Variants in INF2 observed in about 807,000 individuals in gnomAD.
The protein encoded by INF2 is inverted formin 2.
INF2 carries 43 observed loss-of-function variants against 123.5 expected under a neutral mutation model. The observed-to-expected ratio is 0.35, with a 90% CI of 0.27 to 0.45. The LOEUF (loss-of-function observed/expected upper bound fraction) is 0.45, where lower values mean the gene tolerates loss of function less well. Among genes scored for constraint, INF2 ranks in the 20% least tolerant of loss-of-function variants. The pLI is 1.00. For synonymous variants in INF2, 851 were observed against 745.0 expected, an observed-to-expected ratio of 1.14 and a Z score of -2.32; for missense variants, 1,453 against 1,682.7, an observed-to-expected ratio of 0.86 and a Z score of 2.39.
At position 104,703,428 on chromosome 14, in the gene INF2, G is replaced by A. The variant is rs267606879; in HGVS notation, c.641G>A (p.Arg214His). The A allele has an allele frequency of 2.5e-6, 4 of 1,612,490 alleles. No individual in the cohort carries two copies. The highest frequency in any genetic ancestry group is 3.4e-6 in the Non-Finnish European group (4 of 1,179,936). ...VILGPEDLRARTQLRNEFIGL... is the reference protein window; with the variant it reads ...VILGPEDLRAHTQLRNEFIGL... Reference sequence around the variant, plus strand: ...TTGGGCCCCGAGGACCTGCGCGCGCGCACCCAGCTGCGGAACGAGTTTATC... The same window carrying A: ...TTGGGCCCCGAGGACCTGCGCGCGCACACCCAGCTGCGGAACGAGTTTATC... Residue 214 changes from arginine (R) to histidine (H), a missense_variant, in exon 4 of 23, where the codon CGC becomes CAC. Physicochemically the swap from Arg to His is conservative, Grantham distance 29. Transcript: ENST00000392634.
intron 1 of INF2, chr14:104,681,589 G>C (rs1461630504): frequency 1.4e-5 from 18 of 1,288,976 alleles, no homozygotes; most frequent in Non-Finnish European, 1.8e-5. Context: ...CAAGGTAAGA[G>C]ATCAGGAACG....
At position 104,707,344 on chromosome 14, in the gene INF2, C is replaced by T. The variant is rs769197364; in HGVS notation, c.1077C>T (p.Ser359=). The T allele has an allele frequency of 1.0e-5, 16 of 1,600,382 alleles. No homozygotes were observed. Among genetic ancestry groups the T allele is most frequent in the African/African-American group, 6.7e-5 (5 of 74,544 alleles). ...GCCCCCTGGTCAAGGCCCATAAAAG[C>T]GTCCAGGCCAACCTAGACCAGAGCC... is the stretch of plus-strand genomic sequence containing the variant. ...RPSPLVKAHK[S]VQANLDQSQR... is the part of the protein sequence containing the mutation. The change falls in exon 8 of 23, where the codon AGC becomes AGT. Residue 359 remains serine (S), a synonymous_variant. Coordinates refer to ENST00000392634, the MANE Select transcript of INF2 (RefSeq NM_022489.4).
rs753949521 is a variant in INF2, at chr14:104,708,440, C to T, written c.1740C>T (p.His580=). The change falls in exon 9 of 23, where the codon CAC becomes CAT. Residue 580 remains histidine (H), a synonymous_variant. Transcript: ENST00000392634. The part of the protein sequence containing the change: ...QKLPSNVARE[H]NSMWASLSSP... Reference sequence around the variant, plus strand: ...GGCCGTGTCCCCACCCGACAGAGCACAACTCTATGTGGGCGTCCCTGAGCA... The same window carrying T: ...GGCCGTGTCCCCACCCGACAGAGCATAACTCTATGTGGGCGTCCCTGAGCA... 6.2e-7 allele frequency: 1 copy of T among 1,611,992 alleles called. No homozygotes were observed. Among genetic ancestry groups the T allele is most frequent in the Non-Finnish European group, 8.5e-7 (1 of 1,179,774 alleles).
intron 4 of INF2, among the ~76,000 whole-genome samples, 179 bp from the exon 5 acceptor site, chr14:104,703,737 C>T (rs1325166779): frequency 6.6e-6 from 1 of 152,234 alleles, no homozygotes; most frequent in Non-Finnish European, 1.5e-5. Flanking sequence ...CCAGTTCTGG[C>T]AGTGAGCCCT....
chr14:104,714,105 T>G lies in INF2; in HGVS notation c.3041-98T>G, dbSNP rs933329984. 9 of 1,103,044 alleles carry G rather than the reference T, an allele frequency of 8.2e-6. No individual in the cohort carries two copies. In the African/African-American group the frequency reaches 1.4e-4, roughly 18 times the overall value. 68.3% of individuals were successfully genotyped at this position (1,103,044 alleles called of 1,614,324 possible). A position where few individuals can be genotyped will look rare whatever the true frequency, so the allele number is the denominator to read the frequency against. ...AGGAGGCTTTCTGGGGAGGAGGTTT[T>G]GCAGGGCGTTCAGGTAGACAGCGGA... On this transcript the variant is annotated intron_variant, in intron 20 of 22. Transcript: ENST00000392634.
rs576035692 is a variant in INF2, at chr14:104,684,245, C to T, written c.-104+2663C>T. 18 of 422,782 alleles carry T rather than the reference C, an allele frequency of 4.3e-5. No homozygotes were observed. Among genetic ancestry groups the T allele is most frequent in the Non-Finnish European group, 6.7e-5 (14 of 208,470 alleles). 26.2% of individuals were successfully genotyped at this position (422,782 alleles called of 1,614,324 possible). On this transcript the variant is annotated intron_variant, in intron 1 of 2. Coordinates refer to the INF2 transcript ENST00000674723. This position sits in a 1 kb window ranked among gnomAD's most constrained non-coding sequence, Gnocchi z 5.0. ...AGAAGGAGGCTGGGGAGGGACAGCT[C>T]GAGGGCTCACTGGAGGTCAGCAGGG...
intron 19 of INF2, 63 bp downstream of exon 19, chr14:104,713,372 T>G: frequency 6.4e-7 from 1 of 1,565,248 alleles, no homozygotes. Flanking sequence ...TGCTCCAGCC[T>G]CCCCACCACC....
intron 1 of INF2, 127 bp from the exon 2 acceptor site, chr14:104,701,230 C>A (rs1889471509): frequency 9.1e-7 from 1 of 1,103,316 alleles, no homozygotes; most frequent in Non-Finnish European, 1.3e-6. Context: ...TAACCCTCAG[C>A]ATGGCACGTG....
At chr14:104,693,574 A>G (rs1360989486) in intron 1 of INF2, among the ~76,000 whole-genome samples, 2 of 152,134 alleles carry the variant, frequency 1.3e-5, no homozygotes, top group Non-Finnish European at 2.9e-5. Context: ...CCAAGCCCCC[A>G]TTCAGCTGCT....
chr14:104,714,698 C>G lies in INF2; in HGVS notation c.3536C>G (p.Thr1179Arg), dbSNP rs747890405. The G allele has an allele frequency of 3.1e-6, 5 of 1,610,576 alleles. No individual in the cohort carries two copies. The highest frequency in any genetic ancestry group is 2.2e-5 in the East Asian group (1 of 44,838). The change falls in exon 21 of 23, where the codon ACG becomes AGG. Residue 1179 changes from threonine (T) to arginine (R), a missense_variant. This residue lies in a region of INF2 where 344 missense variants were observed against 333.1 expected (regional missense o/e 1.03). Coordinates refer to ENST00000392634, the MANE Select transcript of INF2 (RefSeq NM_022489.4). ...GGDEDEDEED[T>R]APESALDTSL... ...GATGAGGACGAGGACGAGGAGGACACGGCCCCAGAGTCCGCACTGGACACA... is the reference window on the plus strand; with the variant it reads ...GATGAGGACGAGGACGAGGAGGACAGGGCCCCAGAGTCCGCACTGGACACA...
chr14:104,687,753 C>T (rs939678915), upstream of INF2, among the ~76,000 whole-genome samples: 3 of 152,184 alleles, frequency 2.0e-5, no homozygotes, highest in Non-Finnish European at 1.5e-5. This position sits in a 1 kb window ranked among gnomAD's most constrained non-coding sequence, Gnocchi z 5.6. Flanking sequence ...ACCCCTCGCC[C>T]ACACCTGACC....
Position 104,707,032 on chromosome 14 carries a change from C to G in INF2, c.966C>G (p.Ala322=), listed in dbSNP as rs774024906. 9 of 1,584,142 alleles carry G rather than the reference C, an allele frequency of 5.7e-6. No individual in the cohort carries two copies. The highest frequency in any genetic ancestry group is 6.8e-6 in the Non-Finnish European group (8 of 1,173,120). Residue 322 remains alanine (A), a synonymous_variant, in exon 7 of 23, where the codon GCC becomes GCG. Coordinates refer to ENST00000392634, the MANE Select transcript of INF2 (RefSeq NM_022489.4). ...WEALESLVNR[A]VLLASDAQEC... is the part of the protein sequence containing the mutation. The stretch of plus-strand genomic sequence containing the variant: ...CCCTGGAGAGCCTCGTGAACCGGGC[C>G]GTGCTCCTGGCCAGCGATGGTGAGG...
rs375843743 is a variant in INF2, at chr14:104,706,078, G to A, written c.745G>A (p.Glu249Lys). 3.1e-6 allele frequency: 5 copies of A among 1,612,600 alleles called. No homozygotes were observed. The highest frequency in any genetic ancestry group is 2.2e-5 in the East Asian group (1 of 44,886). ...ADLLIQLEAFEEAKAEDEEEL... is the reference protein window; with the variant it reads ...ADLLIQLEAFKEAKAEDEEEL... ...CCTGCTGATCCAGCTGGAGGCTTTCGAGGAGGCTAAGGCCGAGGACGAGGA... is the reference window on the plus strand; with the variant it reads ...CCTGCTGATCCAGCTGGAGGCTTTCAAGGAGGCTAAGGCCGAGGACGAGGA... The change falls in exon 6 of 23, where the codon GAG becomes AAG. Residue 249 changes from glutamate (E) to lysine (K), a missense_variant. By Grantham distance (56) the Glu-to-Lys change is moderately conservative. Transcript: ENST00000392634.
At chr14:104,704,227 G>A in intron 5 of INF2, 12 of 1,381,644 alleles carry the variant, frequency 8.7e-6, no homozygotes, top group Non-Finnish European at 1.1e-5. Context: ...TGGAGCTGGA[G>A]GCCGTGATCC....
Position 104,721,988 on chromosome 14 carries a change from G to A in INF2, c.*3195G>A, listed in dbSNP as rs1890568191. ...CACTGGGAGGTGTGGCCCCCAAAGA[G>A]TGGAACCCACAGGTGGACACACCCA... is the stretch of plus-strand genomic sequence containing the variant. On this transcript the variant is annotated 3_prime_UTR_variant, in exon 23 of 23. Coordinates refer to ENST00000392634, the MANE Select transcript of INF2 (RefSeq NM_022489.4). The A allele has an allele frequency of 6.6e-6, 1 of 152,356 alleles. No homozygotes were observed. Among genetic ancestry groups the A allele is most frequent in the Admixed American group, 6.5e-5 (1 of 15,292 alleles). The allele number at this position is 152,356 out of a possible 1,614,324, so 9.4% of individuals were successfully genotyped here.
chr14:104,712,606 G>T, intron 17 of INF2, 53 bp downstream of exon 17: 1 of 1,610,136 alleles, frequency 6.2e-7, no homozygotes, highest in South Asian at 1.1e-5. Context: ...CTGATAGAGT[G>T]AGCTGGGCGA....
At chr14:104,704,960 C>G (rs1889708419) in intron 5 of INF2, among the ~76,000 whole-genome samples, 1 of 152,178 alleles carries the variant, frequency 6.6e-6, no homozygotes, top group Admixed American at 6.5e-5. Context: ...TCAAATTGAA[C>G]AGGTACTCTG....
chr14:104,711,312 C>A, intron 15 of INF2, 126 bp downstream of exon 15: 2 of 833,718 alleles, frequency 2.4e-6, no homozygotes. Flanking sequence ...CTCAGGGCTC[C>A]GTCTAGAGCC....
At position 104,707,367 on chromosome 14, in the gene INF2, G is replaced by T. The variant is rs898230953; in HGVS notation, c.1100G>T (p.Ser367Ile). The part of the protein sequence containing the change: ...HKSVQANLDQ[S>I]QRGSSPQNTT... ...AGCGTCCAGGCCAACCTAGACCAGA[G>T]CCAGAGGGGCAGCTCCCCGCAAAAC... Residue 367 changes from serine (S) to isoleucine (I), a missense_variant, in exon 8 of 23, where the codon AGC becomes ATC. This residue lies in a region of INF2 where 374 missense variants were observed against 303.7 expected (regional missense o/e 1.23). Coordinates refer to ENST00000392634, the MANE Select transcript of INF2 (RefSeq NM_022489.4). 2 of 1,596,052 alleles carry T rather than the reference G, an allele frequency of 1.3e-6. No homozygotes were observed. Among genetic ancestry groups the T allele is most frequent in the Middle Eastern group, 1.7e-4 (1 of 6,042 alleles).
Sources: gnomAD v4.1 joint callset for allele counts (sites outside exome capture counted in the v4.1 genomes callset) on GRCh38, gnomAD v4.1.1 for gene constraint, gnomAD v4.1.1 regional missense constraint, Gnocchi (gnomAD v3.1) non-coding constraint, MANE v1.5 for transcripts, NCBI Gene and HGNC (gene_info 2026-07-23, HGNC 2026-07-21) for gene names.